CAMTA1: variants seen among roughly 807,000 people sequenced by gnomAD.
The protein encoded by CAMTA1 is calmodulin binding transcription activator 1, also known as calmodulin-binding transcription activator 1.
Under a neutral mutation model 170.9 loss-of-function variants are expected in CAMTA1, and 27 were observed. The ratio of observed to expected loss-of-function variants is 0.16; its 90% CI spans 0.12 to 0.22. The LOEUF (loss-of-function observed/expected upper bound fraction) is 0.22. CAMTA1 is among the 10% of genes least tolerant of loss of function. The pLI, the probability that CAMTA1 is intolerant of heterozygous loss-of-function variation, is 1.00. For synonymous variants in CAMTA1, 833 were observed against 891.5 expected (o/e 0.93, Z 1.17); for missense variants, 1,619 against 2,217.2 (o/e 0.73, Z 5.42).
At chr1:7,395,565 T>G (rs1232197332) in intron 5 of CAMTA1, among the ~76,000 whole-genome samples, 1 of 152,224 alleles carries the variant, frequency 6.6e-6, no homozygotes, top group East Asian at 1.9e-4. Flanking sequence ...GAGTCTTTTA[T>G]GGTTCCATAT....
intron 5 of CAMTA1, among the ~76,000 whole-genome samples, chr1:7,349,625 G>C (rs746531158): frequency 1.3e-5 from 2 of 152,186 alleles, no homozygotes; most frequent in African/African-American, 2.4e-5. Context: ...TCTGTCCTTG[G>C]TTCTCTCAGG....
chr1:7,160,453 T>C (rs1194297189), intron 4 of CAMTA1, among the ~76,000 whole-genome samples: 1 of 152,068 alleles, frequency 6.6e-6, no homozygotes, highest in Admixed American at 6.6e-5. Context: ...GCAGCATTGA[T>C]TGGACACTCT....
chr1:6,987,715 G>T (rs1286973740), intron 3 of CAMTA1, among the ~76,000 whole-genome samples: 1 of 152,220 alleles, frequency 6.6e-6, no homozygotes, highest in Non-Finnish European at 1.5e-5. Context: ...GATACTCGTT[G>T]CTATTGGATG....
chr1:7,493,254 C>G (rs2093759150), intron 6 of CAMTA1, among the ~76,000 whole-genome samples: 1 of 145,912 alleles, frequency 6.9e-6, no homozygotes, highest in Non-Finnish European at 1.5e-5. Context: ...CACACACAAA[C>G]CTACGTACAC....
intron 3 of CAMTA1, among the ~76,000 whole-genome samples, chr1:6,961,715 A>G (rs1553199173): frequency 6.6e-6 from 1 of 152,300 alleles, no homozygotes; most frequent in East Asian, 1.9e-4. Context: ...ATCCAAGCCC[A>G]TTCATTCTCG....
intron 5 of CAMTA1, among the ~76,000 whole-genome samples, chr1:7,381,032 GA>G (rs2087262884): frequency 6.6e-6 from 1 of 152,210 alleles, no homozygotes; most frequent in African/African-American, 2.4e-5. Context: ...AAGTGGTTAG[GA>G]AAATGTGCTC....
At chr1:7,511,585 T>C (rs183129728) in intron 6 of CAMTA1, among the ~76,000 whole-genome samples, 74 of 152,198 alleles carry the variant, frequency 4.9e-4, no homozygotes, top group Admixed American at 4.2e-3. Flanking sequence ...TGCTAGGCAT[T>C]CCCCACATCC....
intron 11 of CAMTA1, among the ~76,000 whole-genome samples, chr1:7,715,229 C>T (rs2096600036): frequency 6.6e-6 from 1 of 152,094 alleles, no homozygotes; most frequent in Non-Finnish European, 1.5e-5. Context: ...GAGCAGAGAA[C>T]AGACTAAGGA....
In CAMTA1 at chr1:7,455,472, A is replaced by G. The variant is rs960642874; in HGVS notation, c.439-12358A>G. Among the ~76,000 whole-genome samples, 5 of 152,110 alleles carry G rather than the reference A, an allele frequency of 3.3e-5. No homozygotes were observed. Among genetic ancestry groups the G allele is most frequent in the East Asian group, 1.9e-4 (1 of 5,190 alleles). ...GATGAAAGCTGGTTTCAGGAATCCAACTCCTCTTAATGTCCTGGCAGACAG... is the reference window on the plus strand; with the variant it reads ...GATGAAAGCTGGTTTCAGGAATCCAGCTCCTCTTAATGTCCTGGCAGACAG... On this transcript the variant is annotated intron_variant, in intron 5 of 22. Transcript: ENST00000303635. The surrounding 1 kb of genome is among the most constrained non-coding windows in gnomAD (Gnocchi z 5.0).
At chr1:7,266,837 A>T (rs1669014572) in intron 5 of CAMTA1, among the ~76,000 whole-genome samples, 1 of 152,192 alleles carries the variant, frequency 6.6e-6, no homozygotes, top group Admixed American at 6.5e-5. Flanking sequence ...TGGTTGCTCT[A>T]CTGCCAGAAA....
chr1:7,353,430 TC>T (rs1316227812), intron 5 of CAMTA1, among the ~76,000 whole-genome samples: 3,073 of 27,070 alleles, frequency 0.11, 102 homozygotes, highest in African/African-American at 0.28. Flanking sequence ...TTTCTTTCTC[TC>T]TTTTTTTTTT....
Position 6,812,093 on chromosome 1 carries a change from C to T in CAMTA1, c.46-8088C>T, listed in dbSNP as rs114389247. Among the ~76,000 whole-genome samples the T allele has an allele frequency of 2.4e-4, 37 of 152,332 alleles. 1 individual carries two copies. Among genetic ancestry groups the T allele is most frequent in the African/African-American group, 8.2e-4 (34 of 41,580 alleles). On this transcript the variant is annotated intron_variant, in intron 1 of 22. Transcript: ENST00000303635. ...CTCCCAGCTAACCTGCTCGGTGTTC[C>T]TCAGTGGGAGCGTTTGCCTTAGCTT...
intron 3 of CAMTA1, among the ~76,000 whole-genome samples, chr1:6,903,327 C>T (rs888624224): frequency 1.1e-4 from 16 of 152,302 alleles, no homozygotes; most frequent in African/African-American, 1.9e-4. Flanking sequence ...GTAGTGATTA[C>T]GTGTTTATAC....
chr1:7,664,407 C>T lies in CAMTA1; in HGVS notation c.1860C>T (p.Asp620=), dbSNP rs569086347. The change falls in exon 9 of 23, where the codon GAC becomes GAT. Residue 620 remains aspartate, a synonymous_variant. Coordinates refer to ENST00000303635, the MANE Select transcript of CAMTA1 (RefSeq NM_015215.4). ...QTPSPSFFLQ[D]ASKPLPVEQN... is the part of the protein sequence containing the mutation. ...CCTCCCCGAGCTTCTTCCTGCAGGACGCCAGCAAACCCCTCCCCGTCGAGC... is the reference window on the plus strand; with the variant it reads ...CCTCCCCGAGCTTCTTCCTGCAGGATGCCAGCAAACCCCTCCCCGTCGAGC... 2.9e-5 allele frequency: 47 copies of T among 1,613,590 alleles called. No homozygotes were observed. The highest frequency in any genetic ancestry group is 1.5e-4 in the South Asian group (14 of 91,084).
At chr1:7,002,366 C>T (rs2186090) in intron 3 of CAMTA1, among the ~76,000 whole-genome samples, 47,460 of 151,912 alleles carry the variant, frequency 0.31, 7,480 homozygotes, top group African/African-American at 0.34. Context: ...CATAAAACAG[C>T]GCAGTGGGAA....
intron 7 of CAMTA1, among the ~76,000 whole-genome samples, chr1:7,660,068 A>G (rs991462922): frequency 6.6e-6 from 1 of 152,144 alleles, no homozygotes; most frequent in Admixed American, 6.6e-5. Context: ...TGTCTCTACA[A>G]ATAATTTTGT....
chr1:7,759,883 C>T (rs1209491487), intron 22 of CAMTA1, among the ~76,000 whole-genome samples: 1 of 152,146 alleles, frequency 6.6e-6, no homozygotes, highest in Non-Finnish European at 1.5e-5. Flanking sequence ...TTCTCTAAGA[C>T]ATTTATTTTT....
rs1262713518 is a variant in CAMTA1, at chr1:7,050,961, G to A, written c.235-40343G>A. ...TGTACTGTGTGTTCCCAGGCACAGG[G>A]AGAATGACTGTGCTGCCTCTTTCCG... On this transcript the variant is annotated intron_variant, in intron 3 of 22. Transcript: ENST00000303635. This position sits in a 1 kb window ranked among gnomAD's most constrained non-coding sequence, Gnocchi z 4.8. Among the ~76,000 whole-genome samples, 2 of 152,188 alleles carry A rather than the reference G, an allele frequency of 1.3e-5. No homozygotes were observed. The highest frequency in any genetic ancestry group is 4.8e-5 in the African/African-American group (2 of 41,440).
chr1:7,193,977 T>C (rs1655038036), intron 4 of CAMTA1, among the ~76,000 whole-genome samples: 1 of 152,214 alleles, frequency 6.6e-6, no homozygotes, highest in African/African-American at 2.4e-5. Flanking sequence ...TTATTCACTA[T>C]CTTTCATGCC....
Sources: allele counts gnomAD v4.1 joint callset (sites outside exome capture counted in the v4.1 genomes callset), GRCh38; gene constraint gnomAD v4.1.1; non-coding constraint Gnocchi (gnomAD v3.1); transcripts MANE v1.5; gene names NCBI Gene and HGNC (gene_info 2026-07-23, HGNC 2026-07-21).